Variants in MSI2 observed in about 807,000 individuals in gnomAD.
MSI2 encodes RNA-binding protein Musashi homolog 2.
In MSI2, 17 loss-of-function variants were observed where a neutral mutation model predicts 45.6. The observed-to-expected ratio is 0.37, with a 90% CI of 0.26 to 0.56. The LOEUF is 0.56. Ranked by LOEUF, MSI2 falls within the 20% of genes least tolerant of loss-of-function variation. The pLI, the probability that MSI2 is intolerant of heterozygous loss-of-function variation, is 0.77. For synonymous variants in MSI2, 156 were observed against 158.2 expected (o/e 0.99, Z 0.11); for missense variants, 293 against 444.2 (o/e 0.66, Z 3.06).
chr17:57,620,970 C>T (rs1215777268), intron 9 of MSI2, among the ~76,000 whole-genome samples: 1 of 152,242 alleles, frequency 6.6e-6, no homozygotes, highest in African/African-American at 2.4e-5. Flanking sequence ...ACTCCCTGGG[C>T]TGCCCTCTGT....
chr17:57,517,826 C>A (rs2086502189), intron 6 of MSI2, among the ~76,000 whole-genome samples: 1 of 152,058 alleles, frequency 6.6e-6, no homozygotes, highest in African/African-American at 2.4e-5. Context: ...TGGTGGGGCT[C>A]TGGGACCCAA....
chr17:57,470,058 C>T (rs1282878847), intron 6 of MSI2, among the ~76,000 whole-genome samples: 1 of 152,156 alleles, frequency 6.6e-6, no homozygotes, highest in Non-Finnish European at 1.5e-5. Flanking sequence ...GATGCTGCCT[C>T]CCCCAGGAAG....
chr17:57,276,709 AG>A, intron 5 of MSI2, among the ~76,000 whole-genome samples: 1 of 152,272 alleles, frequency 6.6e-6, no homozygotes, highest in African/African-American at 2.4e-5. Flanking sequence ...TTGTAAGTAA[AG>A]GTCATCTCTC....
At position 57,507,189 on chromosome 17, in the gene MSI2, G is replaced by A. The variant is rs983302127; in HGVS notation, c.406-22487G>A. 1.7e-5 allele frequency among the ~76,000 whole-genome samples: 2 copies of A among 120,876 alleles called. 1 individual carries two copies. The highest frequency in any genetic ancestry group is 6.6e-5 in the African/African-American group (2 of 30,482). 79.3% of individuals were successfully genotyped at this position (120,876 alleles called of 152,430 possible). A position where few individuals can be genotyped will look rare whatever the true frequency, so the allele number is the denominator to read the frequency against. The stretch of plus-strand genomic sequence containing the variant: ...TCTGTGTGTGTTGGGGGGGGGGGGT[G>A]TAAATCTCTTCCCATTGGTTTTTGT... On this transcript the variant is annotated intron_variant, in intron 6 of 13. Transcript: ENST00000284073.
intron 6 of MSI2, among the ~76,000 whole-genome samples, chr17:57,456,615 A>G (rs1444904375): frequency 6.6e-6 from 1 of 151,730 alleles, no homozygotes; most frequent in Non-Finnish European, 1.5e-5. Context: ...AAAAAAAGGA[A>G]CACCACAACT....
intron 11 of MSI2, among the ~76,000 whole-genome samples, chr17:57,673,356 G>A (rs1406123193): frequency 3.9e-5 from 6 of 152,236 alleles, no homozygotes; most frequent in Non-Finnish European, 7.3e-5. Context: ...GATGTTCTTT[G>A]CCTCTGCCAT....
At chr17:57,578,016 C>T (rs946687692) in intron 7 of MSI2, among the ~76,000 whole-genome samples, 1 of 152,200 alleles carries the variant, frequency 6.6e-6, no homozygotes, top group South Asian at 2.1e-4. Flanking sequence ...CCCGCTCCTC[C>T]CCTTGTTGAG....
chr17:57,364,895 C>A (rs1917077362), intron 5 of MSI2: 1 of 151,630 alleles, frequency 6.6e-6, no homozygotes, highest in African/African-American at 2.4e-5. Flanking sequence ...TTTATTTATT[C>A]ATTTTTTTTT....
chr17:57,272,912 A>AT (rs1392921853), intron 5 of MSI2, among the ~76,000 whole-genome samples: 1 of 152,160 alleles, frequency 6.6e-6, no homozygotes, highest in African/African-American at 2.4e-5. Flanking sequence ...GATACACTCT[A>AT]TTTTTTAAAT....
chr17:57,432,272 C>G (rs1367046046), intron 6 of MSI2, among the ~76,000 whole-genome samples: 1 of 152,172 alleles, frequency 6.6e-6, no homozygotes, highest in Non-Finnish European at 1.5e-5. Context: ...AGGAGACTTG[C>G]TCAGGGTCGG....
chr17:57,372,712 T>C (rs988685968), intron 5 of MSI2, among the ~76,000 whole-genome samples: 1 of 152,158 alleles, frequency 6.6e-6, no homozygotes, highest in Non-Finnish European at 1.5e-5. Context: ...TAGAAGAAAC[T>C]ATAAAAGGGT....
At chr17:57,315,375 CG>C (rs1306407324) in intron 5 of MSI2, among the ~76,000 whole-genome samples, 4 of 149,540 alleles carry the variant, frequency 2.7e-5, no homozygotes, top group African/African-American at 9.9e-5. Context: ...GGACCACAGA[CG>C]TGGGGCATTT....
intron 5 of MSI2, among the ~76,000 whole-genome samples, chr17:57,301,242 G>C (rs2143538676): frequency 6.6e-6 from 1 of 152,266 alleles, no homozygotes; most frequent in South Asian, 2.1e-4. Flanking sequence ...ATAGAAGTTT[G>C]ACTTGACACA....
chr17:57,383,389 G>A (rs1000801058), intron 5 of MSI2, among the ~76,000 whole-genome samples: 9 of 152,248 alleles, frequency 5.9e-5, no homozygotes, highest in African/African-American at 1.9e-4. Context: ...GGGTGCGGTG[G>A]CTCATGCCTG....
intron 5 of MSI2, among the ~76,000 whole-genome samples, chr17:57,337,460 G>A (rs1263865867): frequency 2.0e-5 from 3 of 151,894 alleles, no homozygotes; most frequent in Non-Finnish European, 4.4e-5. Context: ...CCACTTTCTC[G>A]GCCTCTAGCC....
chr17:57,378,915 A>G (rs544355364), intron 5 of MSI2, among the ~76,000 whole-genome samples: 5 of 152,270 alleles, frequency 3.3e-5, no homozygotes, highest in South Asian at 2.1e-4. Context: ...TCTCACAGCG[A>G]CATGGGCCCA....
At chr17:57,408,677 T>C (rs1275136677) in intron 6 of MSI2, among the ~76,000 whole-genome samples, 3 of 151,588 alleles carry the variant, frequency 2.0e-5, no homozygotes, top group African/African-American at 7.3e-5. Context: ...CACTTAACAA[T>C]GGAGTTGTTA....
intron 7 of MSI2, among the ~76,000 whole-genome samples, chr17:57,563,327 A>C (rs1025598329): frequency 3.3e-5 from 5 of 152,044 alleles, no homozygotes; most frequent in Non-Finnish European, 4.4e-5. Flanking sequence ...TAGTGATTTA[A>C]TTGTTTCTCC....
chr17:57,474,864 G>A (rs574331646), intron 6 of MSI2, among the ~76,000 whole-genome samples: 2 of 152,118 alleles, frequency 1.3e-5, no homozygotes, highest in South Asian at 4.2e-4. Context: ...GATTACAGGC[G>A]TGCACCACCA....
Sources: gnomAD v4.1 joint callset for allele counts (sites outside exome capture counted in the v4.1 genomes callset) on GRCh38, gnomAD v4.1.1 for gene constraint, MANE v1.5 for transcripts, NCBI Gene and HGNC (gene_info 2026-07-23, HGNC 2026-07-21) for gene names.